MYO1E: variants seen among roughly 807,000 people sequenced by gnomAD.
MYO1E encodes the protein unconventional myosin-Ie.
In MYO1E, 68 loss-of-function variants were observed where a neutral mutation model predicts 151.1. The observed-to-expected ratio is 0.45, with a 90% confidence interval of 0.37 to 0.55. The LOEUF (loss-of-function observed/expected upper bound fraction) is 0.55. Among genes scored for constraint, MYO1E ranks in the 20% least tolerant of loss-of-function variants. The pLI is 0.00. For missense variants in MYO1E, 1,363 were observed against 1,389.3 expected, an observed-to-expected ratio of 0.98 and a Z score of 0.30; for synonymous variants, 601 against 501.7, an observed-to-expected ratio of 1.20 and a Z score of -2.64.
chr15:59,275,142 C>A (rs1192136072), intron 1 of MYO1E, among the ~76,000 whole-genome samples: 1 of 152,086 alleles, frequency 6.6e-6, no homozygotes, highest in Admixed American at 6.6e-5. Context: ...ATGGACGCAT[C>A]CAAACGTGGT....
At chr15:59,227,884 G>T (rs1201805842) in intron 6 of MYO1E, among the ~76,000 whole-genome samples, 1 of 152,118 alleles carries the variant, frequency 6.6e-6, no homozygotes, top group Non-Finnish European at 1.5e-5. Flanking sequence ...TCAACCAGAA[G>T]GTGTAAATCA....
intron 5 of MYO1E, among the ~76,000 whole-genome samples, chr15:59,234,933 A>T (rs2080053507): frequency 1.3e-5 from 2 of 152,104 alleles, no homozygotes; most frequent in African/African-American, 4.8e-5. Context: ...TTAAAAAACT[A>T]ATCTTTGGAA....
At chr15:59,335,876 G>A (rs1203343212) in intron 1 of MYO1E, among the ~76,000 whole-genome samples, 1 of 151,938 alleles carries the variant, frequency 6.6e-6, no homozygotes, top group Admixed American at 6.6e-5. Flanking sequence ...TGAGTGTCAC[G>A]GACTATAAGC....
intron 1 of MYO1E, among the ~76,000 whole-genome samples, chr15:59,275,825 C>A (rs1459986465): frequency 1.3e-5 from 2 of 152,162 alleles, no homozygotes; most frequent in Non-Finnish European, 2.9e-5. Flanking sequence ...AGACCCTCAG[C>A]CCAGCCAGGG....
chr15:59,267,624 TA>T (rs1468553122), intron 2 of MYO1E, among the ~76,000 whole-genome samples: 1 of 152,204 alleles, frequency 6.6e-6, no homozygotes, highest in Non-Finnish European at 1.5e-5. Context: ...ATTCAAGGAT[TA>T]AAAATGCCAA....
intron 1 of MYO1E, among the ~76,000 whole-genome samples, chr15:59,306,675 T>C (rs2080516630): frequency 6.6e-6 from 1 of 152,252 alleles, no homozygotes. Flanking sequence ...ACTTTGCTCA[T>C]TGTTGATTCA....
chr15:59,343,726 G>A lies in MYO1E; in HGVS notation c.3+28772C>T, dbSNP rs1596432593. On this transcript the variant is annotated intron_variant, in intron 1 of 27. Transcript: ENST00000288235. ...TTTTTCTTTTGTCTCCTCTGACTGT[G>A]TATTTTCAAATAGTCTGTCTTCAAG... Among the ~76,000 whole-genome samples the A allele has an allele frequency of 3.9e-5, 6 of 151,972 alleles. No homozygotes were observed. In the East Asian group the frequency reaches 1.2e-3, roughly 29 times the overall value.
At chr15:59,360,722 A>G (rs775537375) in intron 1 of MYO1E, among the ~76,000 whole-genome samples, 13 of 152,142 alleles carry the variant, frequency 8.5e-5, no homozygotes, top group Non-Finnish European at 1.6e-4. Context: ...CCGATTCCTC[A>G]TGCCTTGCTT....
At chr15:59,170,332 A>G (rs1402535888) in intron 22 of MYO1E, among the ~76,000 whole-genome samples, 1 of 152,178 alleles carries the variant, frequency 6.6e-6, no homozygotes, top group Non-Finnish European at 1.5e-5. Flanking sequence ...CACACCCTAG[A>G]GCTGTGGTTC....
At chr15:59,309,605 G>T (rs982655042) in intron 1 of MYO1E, among the ~76,000 whole-genome samples, 8 of 152,218 alleles carry the variant, frequency 5.3e-5, no homozygotes, top group African/African-American at 1.9e-4. Flanking sequence ...GAACCGCCTT[G>T]TGAGAAGTCC....
intron 18 of MYO1E, among the ~76,000 whole-genome samples, chr15:59,184,220 T>C (rs529301304): frequency 6.6e-6 from 1 of 152,296 alleles, no homozygotes; most frequent in African/African-American, 2.4e-5. Flanking sequence ...TTGGCCAGGC[T>C]GGTCTCAAAC....
intron 1 of MYO1E, among the ~76,000 whole-genome samples, chr15:59,362,456 T>G (rs2080891092): frequency 6.6e-6 from 1 of 152,230 alleles, no homozygotes; most frequent in African/African-American, 2.4e-5. Context: ...GTCAGTAGCT[T>G]CCAACATATT....
intron 17 of MYO1E, among the ~76,000 whole-genome samples, chr15:59,194,365 C>T (rs1464459936): frequency 2.0e-5 from 3 of 152,160 alleles, no homozygotes; most frequent in Non-Finnish European, 4.4e-5. Flanking sequence ...GTTTGACCTA[C>T]GTGTTTTTCT....
At chr15:59,201,097 A>G (rs540220405) in intron 16 of MYO1E, among the ~76,000 whole-genome samples, 6 of 149,090 alleles carry the variant, frequency 4.0e-5, no homozygotes, top group Non-Finnish European at 8.9e-5. Flanking sequence ...GTGTGACACA[A>G]TGACAAAAAC....
chr15:59,302,235 T>G (rs117692812), intron 1 of MYO1E, among the ~76,000 whole-genome samples: 1 of 152,168 alleles, frequency 6.6e-6, no homozygotes, highest in Admixed American at 6.5e-5. Flanking sequence ...AAGTAAGATT[T>G]AGGGACATGT....
chr15:59,329,603 C>A (rs924666670), intron 1 of MYO1E, among the ~76,000 whole-genome samples: 11 of 152,224 alleles, frequency 7.2e-5, no homozygotes, highest in African/African-American at 2.7e-4. Flanking sequence ...CCCACCCAAA[C>A]TTTCCCACAG....
At chr15:59,196,559 T>C (rs1268832022) in intron 16 of MYO1E, among the ~76,000 whole-genome samples, 5 of 152,208 alleles carry the variant, frequency 3.3e-5, no homozygotes, top group African/African-American at 7.2e-5. Flanking sequence ...CAGAAGAGAT[T>C]TGCTTGCAAG....
intron 26 of MYO1E, among the ~76,000 whole-genome samples, chr15:59,143,821 G>C (rs1417336236): frequency 2.0e-5 from 3 of 152,168 alleles, no homozygotes; most frequent in African/African-American, 7.2e-5. Context: ...TGCTCCCCTG[G>C]CCTCTGCCCA....
intron 17 of MYO1E, 35 bp downstream of exon 17, chr15:59,195,426 G>A: frequency 6.4e-7 from 1 of 1,558,252 alleles, no homozygotes. Context: ...AGGGAAAAAG[G>A]TCCCGGCCCC....
Sources: allele counts gnomAD v4.1 joint callset (sites outside exome capture counted in the v4.1 genomes callset), GRCh38; gene constraint gnomAD v4.1.1; transcripts MANE v1.5; gene names NCBI Gene and HGNC (gene_info 2026-07-23, HGNC 2026-07-21).